The following GSE1 variants were observed in gnomAD, a reference collection of about 807,000 sequenced individuals.
GSE1 encodes genetic suppressor element 1.
GSE1 carries 32 observed loss-of-function variants against 112.6 expected under a neutral mutation model. The observed-to-expected ratio is 0.28, with a 90% CI of 0.21 to 0.38. The LOEUF is 0.38. GSE1 is among the 10% of genes least tolerant of loss of function. The pLI is 1.00. For missense variants in GSE1, 2,348 were observed against 1,699.2 expected (o/e 1.38, Z -6.71); for synonymous variants, 1,115 against 735.6 (o/e 1.52, Z -8.35).
chr16:85,614,678 G>A (rs994632512), intron 1 of GSE1, among the ~76,000 whole-genome samples: 3 of 152,220 alleles, frequency 2.0e-5, no homozygotes, highest in Non-Finnish European at 4.4e-5. Context: ...CTGGGCGGTG[G>A]ATGCCAGCCG....
chr16:85,654,065 C>T (rs2051683226), intron 3 of GSE1, among the ~76,000 whole-genome samples: 1 of 152,178 alleles, frequency 6.6e-6, no homozygotes, highest in African/African-American at 2.4e-5. Context: ...AGACGCACTT[C>T]ACCCCAGACC....
At chr16:85,385,270 C>T (rs1437816391) in intron 2 of GSE1, among the ~76,000 whole-genome samples, 1 of 152,232 alleles carries the variant, frequency 6.6e-6, no homozygotes, top group Non-Finnish European at 1.5e-5. Context: ...GTCACATCAG[C>T]TGTGCGTCTC....
intron 2 of GSE1, among the ~76,000 whole-genome samples, chr16:85,445,826 G>A (rs1017908567): frequency 1.3e-5 from 2 of 152,174 alleles, no homozygotes; most frequent in East Asian, 3.9e-4. Flanking sequence ...TCTGCTGGGG[G>A]CCCGCCTTGC....
At chr16:85,192,495 C>T (rs1415073714) in intron 1 of GSE1, among the ~76,000 whole-genome samples, 1 of 152,204 alleles carries the variant, frequency 6.6e-6, no homozygotes, top group Non-Finnish European at 1.5e-5. Context: ...CATATGGCCG[C>T]CCGTTGCTGG....
chr16:85,494,001 T>C (rs992645242), intron 2 of GSE1, among the ~76,000 whole-genome samples: 3 of 152,220 alleles, frequency 2.0e-5, no homozygotes, highest in African/African-American at 4.8e-5. Flanking sequence ...GGAGGATCGC[T>C]TGGGCCCAGG....
chr16:85,647,485 C>T (rs1003014289), intron 2 of GSE1, among the ~76,000 whole-genome samples: 1 of 152,180 alleles, frequency 6.6e-6, no homozygotes, highest in Non-Finnish European at 1.5e-5. Context: ...AAGAAACTCC[C>T]CCAGGGTCAC....
Position 85,656,684 on chromosome 16 carries a change from G to A in GSE1, c.1312+19G>A. ...CGAGCAGGTACCTGGGCGTGGGTGG[G>A]CTGTGCTGGGCAAGGTCTCAGCCAC... On this transcript the variant is annotated intron_variant, in intron 7 of 15. Transcript: ENST00000253458. 6.8e-7 allele frequency: 1 copy of A among 1,477,634 alleles called. No homozygotes were observed. Among genetic ancestry groups the A allele is most frequent in the Non-Finnish European group, 9.0e-7 (1 of 1,116,270 alleles). 91.5% of individuals were successfully genotyped at this position (1,477,634 alleles called of 1,614,324 possible).
chr16:85,476,555 G>T (rs1055646721), intron 2 of GSE1, among the ~76,000 whole-genome samples: 2 of 151,580 alleles, frequency 1.3e-5, no homozygotes, highest in Non-Finnish European at 2.9e-5. Flanking sequence ...TATTCCATCC[G>T]CCTTGTGGCC....
chr16:85,571,308 A>G (rs148619739), intron 1 of GSE1, among the ~76,000 whole-genome samples: 125 of 152,354 alleles, frequency 8.2e-4, no homozygotes, highest in African/African-American at 2.7e-3. Context: ...GGCCACTAGC[A>G]TAGATCCGTG....
chr16:85,479,392 C>T (rs112552085), intron 2 of GSE1, among the ~76,000 whole-genome samples: 4,500 of 151,772 alleles, frequency 0.03, 219 homozygotes, highest in African/African-American at 0.1. Flanking sequence ...TGGTCTCAAA[C>T]TCCTGACCTC....
chr16:85,360,043 T>G (rs979061710), intron 2 of GSE1, among the ~76,000 whole-genome samples: 1 of 152,028 alleles, frequency 6.6e-6, no homozygotes, highest in African/African-American at 2.4e-5. Context: ...CAAAAAAATT[T>G]TTTTTAATTA....
At position 85,666,104 on chromosome 16, in the gene GSE1, G is replaced by A; in HGVS notation, c.2887G>A (p.Val963Ile). Residue 963 changes from valine to isoleucine, a missense_variant, in exon 13 of 16, where the codon GTC (valine) becomes ATC (isoleucine). Coordinates refer to ENST00000253458, the MANE Select transcript of GSE1 (RefSeq NM_014615.5). Reference sequence around the variant, plus strand: ...GGTCCGGCCCCAGGAGCTGTCGAGAGTCCAGGAGCTAGCTCCTGCCAGCGG... The same window carrying A: ...GGTCCGGCCCCAGGAGCTGTCGAGAATCCAGGAGCTAGCTCCTGCCAGCGG... ...EQVRPQELSR[V>I]QELAPASGEK... is the part of the protein sequence containing the mutation. The A allele has an allele frequency of 1.9e-6, 3 of 1,613,266 alleles. No individual in the cohort carries two copies. Among genetic ancestry groups the A allele is most frequent in the Non-Finnish European group, 2.5e-6 (3 of 1,179,960 alleles).
rs2052436274 is a variant in GSE1, at chr16:85,661,578, C to T, written c.2073C>T (p.Ala691=). ...STQTILGQQR[A]SLPQAATFGE... ...AGACCATCCTGGGCCAGCAGCGGGC[C>T]TCCCTCCCACAGGCGGCCACCTTCG... Residue 691 remains alanine, a synonymous_variant, in exon 9 of 16, where the codon GCC becomes GCT. Transcript: ENST00000253458. 1 of 1,610,574 alleles carries T rather than the reference C, an allele frequency of 6.2e-7. No individual in the cohort carries two copies. Among genetic ancestry groups the T allele is most frequent in the East Asian group, 2.2e-5 (1 of 44,792 alleles).
At chr16:85,383,358 TAGAC>T (rs777337970) in intron 2 of GSE1, among the ~76,000 whole-genome samples, 24 of 149,850 alleles carry the variant, frequency 1.6e-4, no homozygotes, top group Non-Finnish European at 3.3e-4. Context: ...CTGCACCCAA[TAGAC>T]AGCTGCATAC....
chr16:85,334,474 G>C (rs989710045), intron 1 of GSE1, among the ~76,000 whole-genome samples: 2 of 152,178 alleles, frequency 1.3e-5, no homozygotes, highest in African/African-American at 4.8e-5. Flanking sequence ...CTCCTCTCCC[G>C]GCATCCCTTC....
chr16:85,589,563 T>C (rs2046879165), intron 1 of GSE1, among the ~76,000 whole-genome samples: 1 of 152,168 alleles, frequency 6.6e-6, no homozygotes, highest in South Asian at 2.1e-4. Flanking sequence ...TCCAAGTGAA[T>C]AACATTTCTG....
At chr16:85,450,117 C>CTTTTTTTTTTTTTTTTTTTTTT (rs59854597) in intron 2 of GSE1, among the ~76,000 whole-genome samples, 1 of 79,506 alleles carries the variant, frequency 1.3e-5, no homozygotes. Context: ...AGGCAGCTGA[C>CTTTTTTTTTTTTTTTTTTTTTT]TTTTTTTTTT....
At chr16:85,633,448 G>C (rs535761912) in intron 1 of GSE1, among the ~76,000 whole-genome samples, 1 of 152,336 alleles carries the variant, frequency 6.6e-6, no homozygotes, top group South Asian at 2.1e-4. Flanking sequence ...TGCTTGTCGC[G>C]TCAGTGGCCA....
chr16:85,628,326 C>T (rs530017965), intron 1 of GSE1, among the ~76,000 whole-genome samples: 165 of 152,336 alleles, frequency 1.1e-3, no homozygotes, highest in African/African-American at 3.5e-3. Flanking sequence ...CAGCTGACAC[C>T]GGGGCAGGGA....
Sources: gnomAD v4.1 joint callset for allele counts (sites outside exome capture counted in the v4.1 genomes callset) on GRCh38, gnomAD v4.1.1 for gene constraint, MANE v1.5 for transcripts, NCBI Gene and HGNC (gene_info 2026-07-23, HGNC 2026-07-21) for gene names.